Variants in DSG2 observed in about 807,000 individuals in gnomAD.
DSG2 encodes desmoglein 2.
In DSG2, 45 loss-of-function variants were observed where a neutral mutation model predicts 75.6. That is an observed-to-expected ratio of 0.60 (90% CI 0.47 to 0.76). The LOEUF (loss-of-function observed/expected upper bound fraction) is 0.76, where lower values mean the gene tolerates loss of function less well. DSG2 is among the 30% of genes least tolerant of loss of function. The probability of loss-of-function intolerance (pLI) is 0.00; values close to 1 mark genes in which losing one functional copy is unlikely to be tolerated. For missense variants in DSG2, 1,267 were observed against 1,357.4 expected, an observed-to-expected ratio of 0.93 and a Z score of 1.05; for synonymous variants, 429 against 483.9, an observed-to-expected ratio of 0.89 and a Z score of 1.49.
chr18:31,524,479 C>T lies in DSG2; in HGVS notation c.722C>T (p.Ala241Val), dbSNP rs753505150. Residue 241 changes from alanine to valine, a missense_variant, in exon 7 of 15, where the codon GCA becomes GTA. Transcript: ENST00000261590. The stretch of plus-strand genomic sequence containing the variant: ...AGCAGCTACACTTTGACAGTAGAAG[C>T]AAGAGATGGCAATGGAGAAGTTACA... Reference protein sequence around the residue: ...EHSSYTLTVEARDGNGEVTDK... With the variant: ...EHSSYTLTVEVRDGNGEVTDK... The T allele has an allele frequency of 1.9e-6, 3 of 1,614,076 alleles. No homozygotes were observed. The highest frequency in any genetic ancestry group is 2.5e-6 in the Non-Finnish European group (3 of 1,180,010).
chr18:31,545,744 A>G lies in DSG2; in HGVS notation c.2358A>G (p.Glu786=), dbSNP rs1567934256. 1.2e-6 allele frequency: 2 copies of G among 1,613,964 alleles called. No individual in the cohort carries two copies. The highest frequency in any genetic ancestry group is 1.7e-6 in the Non-Finnish European group (2 of 1,180,028). ...AGAAAGCGGCCTCTTACACTGAGGA[A>G]GATGAAAATCACACAGCCAAAGATT... ...FTDKAASYTE[E]DENHTAKDCL... The change falls in exon 15 of 15, where the codon GAA becomes GAG. Residue 786 remains glutamate, a synonymous_variant. Coordinates refer to ENST00000261590, the MANE Select transcript of DSG2 (RefSeq NM_001943.5).
rs140575919 is a variant in DSG2, at chr18:31,524,864, C to T, written c.990C>T (p.Asn330=). 2.8e-5 allele frequency: 46 copies of T among 1,614,090 alleles called. No individual in the cohort carries two copies. In the East Asian group the frequency reaches 8.7e-4, roughly 30 times the overall value. Residue 330 remains asparagine (N), a synonymous_variant, in exon 8 of 15, where the codon AAC becomes AAT. Transcript: ENST00000261590. ...YFHIETDAQT[N]EGIVTLIKEV... The stretch of plus-strand genomic sequence containing the variant: ...ACATAGAAACAGATGCTCAAACTAA[C>T]GAAGGAATTGTGACCCTTATTAAGG...
intron 6 of DSG2, among the ~76,000 whole-genome samples, chr18:31,523,500 C>T (rs564512455): frequency 9.9e-5 from 15 of 152,206 alleles, no homozygotes; most frequent in Non-Finnish European, 2.1e-4. Flanking sequence ...AATATGATTA[C>T]ACCTAAAATT....
At position 31,545,910 on chromosome 18, in the gene DSG2, G is replaced by T; in HGVS notation, c.2524G>T (p.Gly842Cys). The stretch of plus-strand genomic sequence containing the variant: ...CAAGACACTAGCTGAAGTTTGCCTG[G>T]GTCAAAAAATAGATATAAATAAGGA... ...KFKTLAEVCLGQKIDINKEIE... is the reference protein window; with the variant it reads ...KFKTLAEVCLCQKIDINKEIE... The change falls in exon 15 of 15, where the codon GGT becomes TGT. Residue 842 changes from glycine to cysteine, a missense_variant. Coordinates refer to ENST00000261590, the MANE Select transcript of DSG2 (RefSeq NM_001943.5). The T allele has an allele frequency of 6.2e-7, 1 of 1,613,894 alleles. No homozygotes were observed. Among genetic ancestry groups the T allele is most frequent in the Non-Finnish European group, 8.5e-7 (1 of 1,179,972 alleles).
rs1476807262 is a variant in DSG2, at chr18:31,524,444, G to C, written c.691-4G>C. 1 of 1,614,088 alleles carries C rather than the reference G, an allele frequency of 6.2e-7. No homozygotes were observed. The highest frequency in any genetic ancestry group is 1.1e-5 in the South Asian group (1 of 91,082). On this transcript the variant is annotated splice_region_variant and splice_polypyrimidine_tract_variant and intron_variant, in intron 6 of 14. Transcript: ENST00000261590. Reference sequence around the variant, plus strand: ...CCAGCTGGACATTTTTCATTGCTCTGCAGGAACACAGCAGCTACACTTTGA... The same window carrying C: ...CCAGCTGGACATTTTTCATTGCTCTCCAGGAACACAGCAGCTACACTTTGA...
Position 31,518,242 on chromosome 18 carries a change from T to A in DSG2, c.49T>A (p.Cys17Ser). Residue 17 changes from cysteine (C) to serine (S), a missense_variant, in exon 2 of 15, where the codon TGC becomes AGC. By Grantham distance (112) the Cys-to-Ser change is moderately radical. Transcript: ENST00000261590. ...ATCAAATAATTTTATTTTACAGATC[T>A]GCTTTAACGTTGGAAGTGGACTTCA... The part of the protein sequence containing the change: ...RAYALLLLLI[C>S]FNVGSGLHLQ... The A allele has an allele frequency of 6.2e-7, 1 of 1,612,582 alleles. No individual in the cohort carries two copies. The highest frequency in any genetic ancestry group is 8.5e-7 in the Non-Finnish European group (1 of 1,178,606).
chr18:31,512,656 A>G (rs2848677), intron 1 of DSG2, among the ~76,000 whole-genome samples: 81,907 of 152,082 alleles, frequency 0.54, 23,744 homozygotes, highest in African/African-American at 0.77. Context: ...TGACATCATC[A>G]TCACTGATTC....
chr18:31,521,756 G>A (rs2073129609), intron 5 of DSG2, among the ~76,000 whole-genome samples: 1 of 152,144 alleles, frequency 6.6e-6, no homozygotes, highest in Non-Finnish European at 1.5e-5. Context: ...TGATTTGTTT[G>A]TATCTTAATA....
At position 31,543,839 on chromosome 18, in the gene DSG2, C is replaced by A. The variant is rs1251432919; in HGVS notation, c.2334+987C>A. Among the ~76,000 whole-genome samples the A allele has an allele frequency of 2.7e-5, 4 of 146,420 alleles. No homozygotes were observed. In the East Asian group the frequency reaches 8.1e-4, roughly 30 times the overall value. ...TGTGATCATACCACTGCACTCCAGC[C>A]TGGGCAACAGAGTGAAACTCTGTCT... On this transcript the variant is annotated intron_variant, in intron 14 of 14. Transcript: ENST00000261590.
Position 31,546,336 on chromosome 18 carries a change from A to G in DSG2, c.2950A>G (p.Thr984Ala). 1 of 1,611,876 alleles carries G rather than the reference A, an allele frequency of 6.2e-7. No individual in the cohort carries two copies. The highest frequency in any genetic ancestry group is 1.1e-5 in the South Asian group (1 of 90,822). The change falls in exon 15 of 15, where the codon ACA (threonine) becomes GCA (alanine). Residue 984 changes from threonine (T) to alanine (A), a missense_variant. Coordinates refer to ENST00000261590, the MANE Select transcript of DSG2 (RefSeq NM_001943.5). ...LVDQPYANEG[T>A]VVVTERVIQP... is the part of the protein sequence containing the mutation. The stretch of plus-strand genomic sequence containing the variant: ...AGATCAGCCTTATGCTAATGAAGGT[A>G]CAGTTGTGGTCACTGAAAGAGTAAT...
chr18:31,515,160 T>C (rs760234545), intron 1 of DSG2, among the ~76,000 whole-genome samples: 17 of 152,160 alleles, frequency 1.1e-4, no homozygotes, highest in Admixed American at 5.2e-4. Flanking sequence ...TAGAGTGCAG[T>C]GGCGCGATCT....
At chr18:31,499,920 A>T (rs566789970) in intron 1 of DSG2, among the ~76,000 whole-genome samples, 2 of 151,294 alleles carry the variant, frequency 1.3e-5, no homozygotes, top group Admixed American at 1.3e-4. Flanking sequence ...GGACTGTTCT[A>T]TGTATTTTCT....
Position 31,523,171 on chromosome 18 carries a change from G to T in DSG2, c.690+922G>T, listed in dbSNP as rs571926073. 1.7e-3 allele frequency among the ~76,000 whole-genome samples: 252 copies of T among 152,256 alleles called. 1 individual carries two copies. The highest frequency in any genetic ancestry group is 2.6e-3 in the Non-Finnish European group (177 of 68,022). ...AATGCCAGCACTTTGGGAGGCTGAGGCGGGCAGATCACAAGGTCAGGAGAT... is the reference window on the plus strand; with the variant it reads ...AATGCCAGCACTTTGGGAGGCTGAGTCGGGCAGATCACAAGGTCAGGAGAT... On this transcript the variant is annotated intron_variant, in intron 6 of 14. Transcript: ENST00000261590.
chr18:31,498,465 G>C (rs947318701), intron 1 of DSG2, among the ~76,000 whole-genome samples, 169 bp downstream of exon 1: 5 of 152,182 alleles, frequency 3.3e-5, no homozygotes, highest in Admixed American at 1.3e-4. Flanking sequence ...GGCGAGATCC[G>C]ACCTGGGGCT....
intron 14 of DSG2, 121 bp from the exon 15 acceptor site, chr18:31,545,600 C>T (rs2073298981): frequency 8.4e-7 from 1 of 1,191,804 alleles, no homozygotes; most frequent in Non-Finnish European, 1.2e-6. Flanking sequence ...CCTGATGGTT[C>T]CTTGTAATTA....
At chr18:31,523,366 A>T (rs1043721264) in intron 6 of DSG2, among the ~76,000 whole-genome samples, 1 of 152,150 alleles carries the variant, frequency 6.6e-6, no homozygotes, top group Non-Finnish European at 1.5e-5. Context: ...GCGCCACTGC[A>T]CTCCAGCCTG....
At chr18:31,511,490 T>G (rs2073066682) in intron 1 of DSG2, among the ~76,000 whole-genome samples, 1 of 152,162 alleles carries the variant, frequency 6.6e-6, no homozygotes. Context: ...TCCAAATTAT[T>G]TAGAAAGCAG....
At chr18:31,545,611 A>C in intron 14 of DSG2, 110 bp from the exon 15 acceptor site, 2 of 1,302,764 alleles carry the variant, frequency 1.5e-6, no homozygotes, top group Non-Finnish European at 2.1e-6. Context: ...CTTGTAATTA[A>C]ATTCACATTA....
At chr18:31,523,021 C>T (rs1308888160) in intron 6 of DSG2, among the ~76,000 whole-genome samples, 1 of 152,068 alleles carries the variant, frequency 6.6e-6, no homozygotes, top group South Asian at 2.1e-4. Flanking sequence ...TAACAGCGTA[C>T]AAGAGTAAAA....
Sources: allele counts gnomAD v4.1 joint callset (sites outside exome capture counted in the v4.1 genomes callset), GRCh38; gene constraint gnomAD v4.1.1; transcripts MANE v1.5; gene names NCBI Gene and HGNC (gene_info 2026-07-23, HGNC 2026-07-21).